The following TMEM108 variants were observed in gnomAD, a reference collection of about 807,000 sequenced individuals.
The protein encoded by TMEM108 is transmembrane protein 108.
Under a neutral mutation model 35.1 loss-of-function variants are expected in TMEM108, and 12 were observed. The ratio of observed to expected loss-of-function variants is 0.34; its 90% CI spans 0.22 to 0.55. TMEM108 has a LOEUF of 0.55. Ranked by LOEUF, TMEM108 falls within the 20% of genes least tolerant of loss-of-function variation. The pLI, the probability that TMEM108 is intolerant of heterozygous loss-of-function variation, is 0.89. For synonymous variants in TMEM108, 287 were observed against 308.6 expected, an observed-to-expected ratio of 0.93 and a Z score of 0.73; for missense variants, 680 against 753.3, an observed-to-expected ratio of 0.90 and a Z score of 1.14.
chr3:133,306,708 T>C (rs1340951190), intron 3 of TMEM108, among the ~76,000 whole-genome samples: 2 of 152,168 alleles, frequency 1.3e-5, no homozygotes, highest in East Asian at 3.9e-4. Flanking sequence ...CATCCTTTTT[T>C]ATGGCTGCAT....
chr3:133,251,348 T>TA (rs1265616864), intron 3 of TMEM108, among the ~76,000 whole-genome samples: 1 of 152,176 alleles, frequency 6.6e-6, no homozygotes, highest in African/African-American at 2.4e-5. Flanking sequence ...GCACTTACTA[T>TA]AAAAGACACT....
At chr3:133,191,511 C>T (rs1220082937) in intron 2 of TMEM108, among the ~76,000 whole-genome samples, 1 of 152,172 alleles carries the variant, frequency 6.6e-6, no homozygotes, top group African/African-American at 2.4e-5. Flanking sequence ...TCACTCATGC[C>T]ACATGCCAAC....
Position 133,396,767 on chromosome 3 carries a change from G to T in TMEM108, c.*781G>T, listed in dbSNP as rs1172265769. 2.6e-5 allele frequency: 4 copies of T among 152,116 alleles called. No homozygotes were observed. Among genetic ancestry groups the T allele is most frequent in the African/African-American group, 9.7e-5 (4 of 41,410 alleles). 9.4% of individuals were successfully genotyped at this position (152,116 alleles called of 1,614,324 possible). A position where few individuals can be genotyped will look rare whatever the true frequency, so the allele number is the denominator to read the frequency against. ...CACCCGTGCCTTTCTCTTGGAGAGGGTTTAGATGCAGATCCCGGCCCTGGA... is the reference window on the plus strand; with the variant it reads ...CACCCGTGCCTTTCTCTTGGAGAGGTTTTAGATGCAGATCCCGGCCCTGGA... On this transcript the variant is annotated 3_prime_UTR_variant, in exon 6 of 6. Transcript: ENST00000321871.
intron 3 of TMEM108, among the ~76,000 whole-genome samples, chr3:133,323,688 A>G (rs189598609): frequency 6.6e-5 from 10 of 152,346 alleles, no homozygotes; most frequent in Non-Finnish European, 8.8e-5. Flanking sequence ...TAAAATTCAT[A>G]TGGAACCATA....
At position 133,183,806 on chromosome 3, in the gene TMEM108, A is replaced by G. The variant is rs551983819; in HGVS notation, c.-46-45460A>G. Among the ~76,000 whole-genome samples, 8 of 152,332 alleles carry G rather than the reference A, an allele frequency of 5.3e-5. No individual in the cohort carries two copies. In the South Asian group the frequency reaches 1.4e-3, roughly 28 times the overall value. On this transcript the variant is annotated intron_variant, in intron 2 of 5. Coordinates refer to ENST00000321871, the MANE Select transcript of TMEM108 (RefSeq NM_023943.4). ...GGATGCTAAGGTGAGCAGCAGCATC[A>G]TAACAGATGTTAGGGCCGAATGGTG...
intron 2 of TMEM108, among the ~76,000 whole-genome samples, chr3:133,151,928 G>T (rs1478561556): frequency 6.6e-6 from 1 of 152,156 alleles, no homozygotes; most frequent in Non-Finnish European, 1.5e-5. Context: ...CCGAGTAAGA[G>T]AATGGAGAGT....
At position 133,134,887 on chromosome 3, in the gene TMEM108, C is replaced by A. The variant is rs575109255; in HGVS notation, c.-47+88867C>A. ...TAAGTCTTTCTTCCTCACTCCAAGT[C>A]CCCCCTACCTGTTTAGAGGTTGTTT... On this transcript the variant is annotated intron_variant, in intron 2 of 5. Coordinates refer to ENST00000321871, the MANE Select transcript of TMEM108 (RefSeq NM_023943.4). 1.1e-4 allele frequency among the ~76,000 whole-genome samples: 17 copies of A among 152,184 alleles called. No homozygotes were observed. The South Asian group carries it at 1.9e-3, about 17-fold the overall frequency.
chr3:133,218,461 C>T (rs1945940718), intron 2 of TMEM108, among the ~76,000 whole-genome samples: 1 of 151,908 alleles, frequency 6.6e-6, no homozygotes, highest in African/African-American at 2.4e-5. Flanking sequence ...ACAGTAATGG[C>T]TTCTTTGTCT....
intron 3 of TMEM108, among the ~76,000 whole-genome samples, chr3:133,333,726 G>A (rs2071433492): frequency 6.6e-6 from 1 of 152,204 alleles, no homozygotes; most frequent in African/African-American, 2.4e-5. Flanking sequence ...AAGATATTCA[G>A]AGTTTTGGGT....
intron 3 of TMEM108, among the ~76,000 whole-genome samples, chr3:133,276,459 A>C (rs1946839706): frequency 6.6e-6 from 1 of 152,208 alleles, no homozygotes; most frequent in Admixed American, 6.5e-5. Context: ...CAGGTATGGC[A>C]TTTGCAATCC....
intron 4 of TMEM108, chr3:133,388,860 CCT>C: frequency 5.1e-6 from 5 of 985,898 alleles, no homozygotes; most frequent in South Asian, 4.7e-5. Context: ...TGAACCCACC[CCT>C]GATGCTGGCC....
At chr3:133,261,342 CT>C (rs1330477306) in intron 3 of TMEM108, among the ~76,000 whole-genome samples, 5 of 152,192 alleles carry the variant, frequency 3.3e-5, no homozygotes. Context: ...TAGTTGATGT[CT>C]GCAATCAACA....
At chr3:133,163,235 T>C (rs1249767060) in intron 2 of TMEM108, among the ~76,000 whole-genome samples, 1 of 152,162 alleles carries the variant, frequency 6.6e-6, no homozygotes, top group Non-Finnish European at 1.5e-5. Context: ...ACGGGCTTCT[T>C]GCCTTACTTT....
At chr3:133,288,540 A>G (rs2107693295) in intron 3 of TMEM108, among the ~76,000 whole-genome samples, 1 of 152,322 alleles carries the variant, frequency 6.6e-6, no homozygotes, top group East Asian at 1.9e-4. Context: ...CATTTGCAGC[A>G]GTCCTGTTCC....
chr3:133,299,504 G>T (rs1947189412), intron 3 of TMEM108, among the ~76,000 whole-genome samples: 3 of 152,132 alleles, frequency 2.0e-5, no homozygotes, highest in Non-Finnish European at 4.4e-5. Context: ...TTTCCCTTCT[G>T]CAGTACGTTT....
intron 1 of TMEM108, among the ~76,000 whole-genome samples, chr3:133,039,610 G>T (rs1338834133): frequency 6.6e-6 from 1 of 152,172 alleles, no homozygotes; most frequent in Non-Finnish European, 1.5e-5. Flanking sequence ...AACATAAAAA[G>T]TCCCTTCAAT....
At chr3:133,131,022 A>G (rs1944483803) in intron 2 of TMEM108, among the ~76,000 whole-genome samples, 1 of 152,152 alleles carries the variant, frequency 6.6e-6, no homozygotes, top group South Asian at 2.1e-4. Flanking sequence ...ATTTTTCATC[A>G]TTTTTGAGCT....
At chr3:133,092,901 T>C (rs1943967241) in intron 2 of TMEM108, among the ~76,000 whole-genome samples, 1 of 152,130 alleles carries the variant, frequency 6.6e-6, no homozygotes, top group Admixed American at 6.6e-5. Context: ...TCTAAAATAG[T>C]TCACTTAGTC....
intron 2 of TMEM108, among the ~76,000 whole-genome samples, chr3:133,163,656 T>C (rs1401520628): frequency 6.6e-6 from 1 of 152,146 alleles, no homozygotes; most frequent in East Asian, 1.9e-4. Context: ...GAAAATCAGA[T>C]GTAAATGAAC....
Sources: allele counts gnomAD v4.1 joint callset (sites outside exome capture counted in the v4.1 genomes callset), GRCh38; gene constraint gnomAD v4.1.1; transcripts MANE v1.5; gene names NCBI Gene and HGNC (gene_info 2026-07-23, HGNC 2026-07-21).